Variants in DENND10 observed in about 807,000 individuals in gnomAD.
DENND10 encodes DENN domain containing 10.
A neutral mutation model predicts 43.6 loss-of-function variants in DENND10; 24 were observed. That is an observed-to-expected ratio of 0.55 (90% confidence interval 0.40 to 0.77). DENND10 has a LOEUF of 0.77. Among genes scored for constraint, DENND10 ranks in the 30% least tolerant of loss-of-function variants. DENND10 has a pLI of 0.00. For missense variants in DENND10, 303 were observed against 429.9 expected, an observed-to-expected ratio of 0.70 and a Z score of 2.61; for synonymous variants, 125 against 157.6, an observed-to-expected ratio of 0.79 and a Z score of 1.55.
intron 5 of DENND10, 109 bp from the exon 6 acceptor site, chr10:119,123,360 C>G (rs1419965481): frequency 1.3e-6 from 1 of 757,496 alleles, no homozygotes; most frequent in East Asian, 2.7e-5. Context: ...CCCTGATTAG[C>G]TGTAGACTCT....
At chr10:119,114,437 C>G (rs956959640) in intron 3 of DENND10, 43 of 152,366 alleles carry the variant, frequency 2.8e-4, no homozygotes, top group African/African-American at 9.1e-4. Flanking sequence ...GCAGCAGAAG[C>G]CCGCAGGAGG....
Position 119,132,827 on chromosome 10 carries a change from G to A in DENND10, c.897+218G>A. 1.9e-6 allele frequency: 1 copy of A among 534,622 alleles called. No homozygotes were observed. The highest frequency in any genetic ancestry group is 3.3e-6 in the Non-Finnish European group (1 of 299,604). 33.1% of individuals were successfully genotyped at this position (534,622 alleles called of 1,614,324 possible). ...TGGGCTCGAGGGCAGGTATACACAG[G>A]GGCTGGTGCTGACACCGACCGCTGG... On this transcript the variant is annotated intron_variant, in intron 8 of 8. Transcript: ENST00000361432. This position sits in a 1 kb window ranked among gnomAD's most constrained non-coding sequence, Gnocchi z 4.2.
chr10:119,123,431 G>T, intron 5 of DENND10, 38 bp from the exon 6 acceptor site: 1 of 1,483,702 alleles, frequency 6.7e-7, no homozygotes, highest in South Asian at 1.1e-5. Context: ...TTAAGGTGTG[G>T]ACCAGCAACA....
intron 7 of DENND10, among the ~76,000 whole-genome samples, chr10:119,131,591 C>G (rs1846091547): frequency 6.6e-6 from 1 of 152,196 alleles, no homozygotes; most frequent in Non-Finnish European, 1.5e-5. Context: ...TTTGTTTTGT[C>G]ACTTATCTTT....
intron 6 of DENND10, among the ~76,000 whole-genome samples, chr10:119,128,163 C>T (rs1845914123): frequency 6.6e-6 from 1 of 151,774 alleles, no homozygotes; most frequent in South Asian, 2.1e-4. Context: ...ACATACAAAA[C>T]TTAGCCAGGT....
At chr10:119,106,777 G>C (rs1589710626) in intron 1 of DENND10, among the ~76,000 whole-genome samples, 1 of 152,188 alleles carries the variant, frequency 6.6e-6, no homozygotes, top group South Asian at 2.1e-4. Flanking sequence ...GGGCACGGTG[G>C]CTCACGCCTA....
intron 1 of DENND10, among the ~76,000 whole-genome samples, chr10:119,106,938 C>T (rs1455843216): frequency 1.3e-5 from 2 of 151,956 alleles, no homozygotes; most frequent in Non-Finnish European, 2.9e-5. Flanking sequence ...TAACCCCAGC[C>T]ACTCGGGAGG....
At chr10:119,118,674 T>C (rs892835982) in intron 4 of DENND10, among the ~76,000 whole-genome samples, 1 of 151,068 alleles carries the variant, frequency 6.6e-6, no homozygotes, top group Non-Finnish European at 1.5e-5. Flanking sequence ...TTAATAGACT[T>C]TTTTTTTTCC....
intron 4 of DENND10, among the ~76,000 whole-genome samples, chr10:119,118,468 T>C (rs1845401511): frequency 1.3e-5 from 2 of 152,196 alleles, no homozygotes; most frequent in Admixed American, 1.3e-4. Context: ...AGCCACAGAC[T>C]TCAGGGTCCC....
chr10:119,123,880 T>TG (rs1845703459), intron 6 of DENND10, among the ~76,000 whole-genome samples: 1 of 151,782 alleles, frequency 6.6e-6, no homozygotes, highest in Non-Finnish European at 1.5e-5. Context: ...CTTAAATTTT[T>TG]TTTTTTTTTT....
At chr10:119,129,905 C>A (rs1262560107) in intron 7 of DENND10, among the ~76,000 whole-genome samples, 1 of 152,176 alleles carries the variant, frequency 6.6e-6, no homozygotes, top group Non-Finnish European at 1.5e-5. Flanking sequence ...TGCCACATAA[C>A]AAATCACTTC....
At chr10:119,112,208 G>A (rs1033166274) in intron 3 of DENND10, among the ~76,000 whole-genome samples, 5 of 152,118 alleles carry the variant, frequency 3.3e-5, no homozygotes, top group Admixed American at 2.0e-4. Flanking sequence ...TGTTACTTCT[G>A]TTCACTTCCA....
At chr10:119,122,602 G>T (rs569413791) in intron 5 of DENND10, among the ~76,000 whole-genome samples, 1 of 152,044 alleles carries the variant, frequency 6.6e-6, no homozygotes, top group Non-Finnish European at 1.5e-5. Flanking sequence ...AAACTGGAGC[G>T]GTCACAGCTT....
At position 119,108,174 on chromosome 10, in the gene DENND10, C is replaced by T. The variant is rs751021694; in HGVS notation, c.252+10C>T. On this transcript the variant is annotated intron_variant, in intron 2 of 8. Coordinates refer to ENST00000361432, the MANE Select transcript of DENND10 (RefSeq NM_207009.4). ...TTCCATTTTGAAAAAGGTATGATTG[C>T]GTGAAGGTAAAAAAAAAACCCCAAA... The T allele has an allele frequency of 1.3e-5, 21 of 1,586,052 alleles. No homozygotes were observed. In the South Asian group the frequency reaches 1.6e-4, roughly 12 times the overall value.
intron 5 of DENND10, among the ~76,000 whole-genome samples, chr10:119,121,675 G>A (rs925021275): frequency 6.6e-6 from 1 of 151,338 alleles, no homozygotes; most frequent in Non-Finnish European, 1.5e-5. Flanking sequence ...AGATGGTCTC[G>A]ATCTCTTGAC....
rs924021195 is a variant in DENND10 at position 119,120,250 on chromosome 10, A to C, written c.482-91A>C. The C allele has an allele frequency of 4.7e-5, 39 of 822,730 alleles. No individual in the cohort carries two copies. The African/African-American group carries it at 6.5e-4, about 14-fold the overall frequency. 51.0% of individuals were successfully genotyped at this position (822,730 alleles called of 1,614,324 possible). A position where few individuals can be genotyped will look rare whatever the true frequency, so the allele number is the denominator to read the frequency against. ...GTGACAGAGTGAGACTCGGTCTCAA[A>C]AAAAAAAGAAAAAAGAAAAAAAGAA... On this transcript the variant is annotated intron_variant, in intron 4 of 8. Coordinates refer to ENST00000361432, the MANE Select transcript of DENND10 (RefSeq NM_207009.4).
chr10:119,107,438 C>T (rs1315058535), intron 1 of DENND10, among the ~76,000 whole-genome samples: 5 of 147,318 alleles, frequency 3.4e-5, no homozygotes, highest in Admixed American at 6.8e-5. Flanking sequence ...AAGTTTTGCT[C>T]TGTTGCCCAG....
At chr10:119,108,989 C>T (rs1589714131) in intron 2 of DENND10, among the ~76,000 whole-genome samples, 1 of 151,930 alleles carries the variant, frequency 6.6e-6, no homozygotes, top group African/African-American at 2.4e-5. Flanking sequence ...CTGAGGCAGG[C>T]GCATCACCTG....
At chr10:119,118,050 AG>A (rs368630610) in intron 4 of DENND10, among the ~76,000 whole-genome samples, 1 of 152,320 alleles carries the variant, frequency 6.6e-6, no homozygotes, top group African/African-American at 2.4e-5. Flanking sequence ...CAGTCTCATT[AG>A]ATCCTATTGT....
Sources: allele counts gnomAD v4.1 joint callset (sites outside exome capture counted in the v4.1 genomes callset), GRCh38; gene constraint gnomAD v4.1.1; non-coding constraint Gnocchi (gnomAD v3.1); transcripts MANE v1.5; gene names NCBI Gene and HGNC (gene_info 2026-07-23, HGNC 2026-07-21).